Variants in ARL3 observed in about 807,000 individuals in gnomAD.
ARL3 encodes the protein ADP-ribosylation factor-like protein 3.
ARL3 carries 9 observed loss-of-function variants against 26.0 expected under a neutral mutation model. The observed-to-expected ratio is 0.35, with a 90% CI of 0.21 to 0.60. The LOEUF (loss-of-function observed/expected upper bound fraction) is 0.60, where lower values mean the gene tolerates loss of function less well. Among genes scored for constraint, ARL3 ranks in the 20% least tolerant of loss-of-function variants. ARL3 has a pLI of 0.78. For missense variants in ARL3, 158 were observed against 215.7 expected, an observed-to-expected ratio of 0.73 and a Z score of 1.67; for synonymous variants, 71 against 78.4, an observed-to-expected ratio of 0.91 and a Z score of 0.50.
At chr10:102,681,224 C>T (rs557010792) in intron 5 of ARL3, among the ~76,000 whole-genome samples, 2 of 150,838 alleles carry the variant, frequency 1.3e-5, no homozygotes, top group Admixed American at 1.3e-4. Context: ...CTCGTTGCTA[C>T]TAAAAAAAAT....
chr10:102,691,102 T>C lies in ARL3; in HGVS notation c.265-1159A>G, dbSNP rs536533492. 2.6e-5 allele frequency among the ~76,000 whole-genome samples: 4 copies of C among 152,256 alleles called. No homozygotes were observed. The South Asian group carries it at 8.3e-4, about 32-fold the overall frequency. ...GAGGTCAGCAGTCAATATTTTAGCC[T>C]CTGTGGCCCATACAATCTCTCTTTT... On this transcript the variant is annotated intron_variant, in intron 3 of 5. Transcript: ENST00000260746.
intron 3 of ARL3, among the ~76,000 whole-genome samples, chr10:102,697,196 GAGAA>G (rs1343117705): frequency 3.2e-5 from 4 of 126,898 alleles, no homozygotes; most frequent in South Asian, 2.5e-4. Flanking sequence ...TTTTTTTTTT[GAGAA>G]AGAGAGTCTC....
Position 102,714,356 on chromosome 10 carries a change from G to T in ARL3, c.-81C>A. On this transcript the variant is annotated 5_prime_UTR_variant, in exon 1 of 6. Transcript: ENST00000260746. ...GGGCAACTGCTGCGGCGCCGCCCCC[G>T]ACGTCCCTCGCACGCACAGCTGAGG... 1 of 1,250,282 alleles carries T rather than the reference G, an allele frequency of 8.0e-7. No individual in the cohort carries two copies. Among genetic ancestry groups the T allele is most frequent in the South Asian group, 3.7e-5 (1 of 26,820 alleles). 77.4% of individuals were successfully genotyped at this position (1,250,282 alleles called of 1,614,324 possible). A position where few individuals can be genotyped will look rare whatever the true frequency, so the allele number is the denominator to read the frequency against.
chr10:102,689,812 G>T, intron 4 of ARL3, 81 bp downstream of exon 4: 1 of 854,044 alleles, frequency 1.2e-6, no homozygotes, highest in South Asian at 1.9e-5. Flanking sequence ...TGGGCAACAA[G>T]AGCAAAAACT....
intron 3 of ARL3, among the ~76,000 whole-genome samples, 176 bp downstream of exon 3, chr10:102,699,196 CA>C (rs1300843628): frequency 3.3e-5 from 5 of 152,170 alleles, no homozygotes; most frequent in African/African-American, 1.2e-4. Flanking sequence ...ACATCTTATA[CA>C]AGTTATACAA....
rs569538249 is a variant in ARL3, at chr10:102,678,721, A to G, written c.502-1780T>C. ...GAGAGATTATTGCATATAACTGAAC[A>G]TGAATGCAGGCAAAGAGATAGGAAA... On this transcript the variant is annotated intron_variant, in intron 5 of 5. Coordinates refer to ENST00000260746, the MANE Select transcript of ARL3 (RefSeq NM_004311.4). 7.9e-5 allele frequency among the ~76,000 whole-genome samples: 12 copies of G among 152,372 alleles called. No homozygotes were observed. In the South Asian group the frequency reaches 2.5e-3, roughly 32 times the overall value.
At chr10:102,708,674 T>C (rs1015701006) in intron 1 of ARL3, among the ~76,000 whole-genome samples, 2 of 151,648 alleles carry the variant, frequency 1.3e-5, no homozygotes, top group Admixed American at 6.6e-5. Context: ...CTGGCCAACA[T>C]GGCGAAATCC....
chr10:102,689,700 G>A (rs1321794751), intron 4 of ARL3, among the ~76,000 whole-genome samples, 193 bp downstream of exon 4: 1 of 151,734 alleles, frequency 6.6e-6, no homozygotes, highest in Admixed American at 6.6e-5. Context: ...GCGTGGTGGT[G>A]CATGCTAATT....
At chr10:102,700,724 A>G (rs2136005946) in intron 2 of ARL3, among the ~76,000 whole-genome samples, 1 of 150,770 alleles carries the variant, frequency 6.6e-6, no homozygotes, top group Middle Eastern at 3.5e-3. Context: ...TTGGCCTTCC[A>G]AAGCACTGGG....
At chr10:102,708,908 A>ATATATATATTTTTT in intron 1 of ARL3, among the ~76,000 whole-genome samples, 56 of 95,326 alleles carry the variant, frequency 5.9e-4, no homozygotes, top group Middle Eastern at 6.6e-3. Context: ...ATATATATAT[A>ATATATATATTTTTT]TTTTTTTTTT....
In ARL3 at chr10:102,692,877, T is replaced by C. The variant is rs146881186; in HGVS notation, c.265-2934A>G. Among the ~76,000 whole-genome samples, 688 of 152,268 alleles carry C rather than the reference T, an allele frequency of 4.5e-3. 3 individuals carry two copies. The highest frequency in any genetic ancestry group is 0.016 in the African/African-American group (652 of 41,544). ...GGCGCCCGCCGGCACGCCCAGCTTT[T>C]AGTAGAGACAGGGTTTCACCGTGTT... On this transcript the variant is annotated intron_variant, in intron 3 of 5. Coordinates refer to ENST00000260746, the MANE Select transcript of ARL3 (RefSeq NM_004311.4).
At chr10:102,680,505 TC>T (rs2064151506) in intron 5 of ARL3, among the ~76,000 whole-genome samples, 1 of 152,092 alleles carries the variant, frequency 6.6e-6, no homozygotes, top group Non-Finnish European at 1.5e-5. Context: ...AATATTATTC[TC>T]CCCTATAACC....
At position 102,675,589 on chromosome 10, in the gene ARL3, AG is replaced by A. The variant is rs1164264290; in HGVS notation, c.*1304del. ...GCCTGTTTCCCCATGTTTGAAGCTG[AG>A]GATTTCTGAGGTTCAGGGAAACAAG... On this transcript the variant is annotated 3_prime_UTR_variant, in exon 6 of 6. Transcript: ENST00000260746. 2 of 152,232 alleles carry A rather than the reference AG, an allele frequency of 1.3e-5. No homozygotes were observed. The highest frequency in any genetic ancestry group is 2.9e-5 in the Non-Finnish European group (2 of 68,062). 9.4% of individuals were successfully genotyped at this position (152,232 alleles called of 1,614,324 possible). A position where few individuals can be genotyped will look rare whatever the true frequency, so the allele number is the denominator to read the frequency against.
chr10:102,713,331 C>G (rs2136013795), intron 1 of ARL3, among the ~76,000 whole-genome samples: 1 of 152,316 alleles, frequency 6.6e-6, no homozygotes, highest in South Asian at 2.1e-4. Context: ...ACGGTCAGAT[C>G]TGTCACAACC....
intron 3 of ARL3, among the ~76,000 whole-genome samples, chr10:102,693,627 G>C (rs2064231502): frequency 6.6e-6 from 1 of 152,038 alleles, no homozygotes; most frequent in Non-Finnish European, 1.5e-5. Context: ...CCAGTCTGTG[G>C]TTTGTATTTT....
chr10:102,712,209 G>GA (rs895650087), intron 1 of ARL3, among the ~76,000 whole-genome samples: 3 of 151,370 alleles, frequency 2.0e-5, no homozygotes, highest in Admixed American at 6.6e-5. Context: ...ACCCAAATTT[G>GA]AAAAAAAATA....
At chr10:102,698,191 A>T (rs1053270957) in intron 3 of ARL3, among the ~76,000 whole-genome samples, 2 of 152,048 alleles carry the variant, frequency 1.3e-5, no homozygotes, top group African/African-American at 4.8e-5. Flanking sequence ...TTGAGATGCA[A>T]GATGATTTCT....
At chr10:102,705,622 C>A in intron 1 of ARL3, 133 bp from the exon 2 acceptor site, 3 of 921,824 alleles carry the variant, frequency 3.3e-6, no homozygotes, top group Non-Finnish European at 3.0e-6. Context: ...CATTCTAATG[C>A]CACTTATTCC....
chr10:102,689,485 T>C (rs1399075328), intron 4 of ARL3, among the ~76,000 whole-genome samples: 1 of 151,958 alleles, frequency 6.6e-6, no homozygotes, highest in Non-Finnish European at 1.5e-5. Context: ...ACAAGGTTGA[T>C]TAATGAATAC....
Sources: gnomAD v4.1 joint callset for allele counts (sites outside exome capture counted in the v4.1 genomes callset) on GRCh38, gnomAD v4.1.1 for gene constraint, MANE v1.5 for transcripts, NCBI Gene and HGNC (gene_info 2026-07-23, HGNC 2026-07-21) for gene names.